CNTNAP2: variants seen among roughly 807,000 people sequenced by gnomAD.
The protein encoded by CNTNAP2 is contactin associated protein 2, also known as contactin-associated protein-like 2.
In CNTNAP2, 98 loss-of-function variants were observed where a neutral mutation model predicts 155.2. That is an observed-to-expected ratio of 0.63 (90% CI 0.54 to 0.75). The LOEUF (loss-of-function observed/expected upper bound fraction) is 0.75. Ranked by LOEUF, CNTNAP2 falls within the 30% of genes least tolerant of loss-of-function variation. CNTNAP2 has a pLI of 0.00. For synonymous variants in CNTNAP2, 651 were observed against 631.2 expected (o/e 1.03, Z -0.47); for missense variants, 1,727 against 1,688.1 (o/e 1.02, Z -0.40).
At chr7:148,128,788 C>T (rs1172165519) in intron 16 of CNTNAP2, among the ~76,000 whole-genome samples, 1 of 152,108 alleles carries the variant, frequency 6.6e-6, no homozygotes, top group African/African-American at 2.4e-5. Context: ...CTAAGCTGGC[C>T]AGACAGAGTG....
chr7:146,550,965 T>G (rs537165757), intron 1 of CNTNAP2, among the ~76,000 whole-genome samples: 2 of 152,104 alleles, frequency 1.3e-5, no homozygotes, highest in South Asian at 4.2e-4. Flanking sequence ...AAAATAAGAA[T>G]AATACCATGT....
chr7:146,448,716 T>A (rs1019386860), intron 1 of CNTNAP2, among the ~76,000 whole-genome samples: 24 of 152,116 alleles, frequency 1.6e-4, no homozygotes, highest in African/African-American at 5.8e-4. Context: ...ATTGGTATGA[T>A]GTTTGTGTAA....
chr7:146,942,596 G>A lies in CNTNAP2; in HGVS notation c.403-101311G>A, dbSNP rs562711378. The stretch of plus-strand genomic sequence containing the variant: ...TAAAAAGGCCGACACTGCAGTGGGA[G>A]GAAAAGGACAATATATATGCAAGAA... On this transcript the variant is annotated intron_variant, in intron 3 of 23. Transcript: ENST00000361727. Among the ~76,000 whole-genome samples, 8 of 152,150 alleles carry A rather than the reference G, an allele frequency of 5.3e-5. No individual in the cohort carries two copies. In the East Asian group the frequency reaches 5.8e-4, roughly 11 times the overall value.
rs145731070 is a variant in CNTNAP2, at chr7:147,406,569, T to G, written c.1670+10789T>G. Among the ~76,000 whole-genome samples, 36 of 152,354 alleles carry G rather than the reference T, an allele frequency of 2.4e-4. 1 individual carries two copies. Among genetic ancestry groups the G allele is most frequent in the African/African-American group, 8.4e-4 (35 of 41,592 alleles). ...AACAAGCTTAGTTTTTCAGATAGCA[T>G]TGTCTAAAATTCTCATGGCACCCAT... On this transcript the variant is annotated intron_variant, in intron 10 of 23. Coordinates refer to ENST00000361727, the MANE Select transcript of CNTNAP2 (RefSeq NM_014141.6).
At chr7:146,995,376 G>GTGT (rs932060117) in intron 3 of CNTNAP2, among the ~76,000 whole-genome samples, 2 of 151,950 alleles carry the variant, frequency 1.3e-5, no homozygotes, top group African/African-American at 4.8e-5. Context: ...AGATCATGCG[G>GTGT]TAGTTCAATA....
At chr7:148,187,759 C>T (rs1487962779) in intron 18 of CNTNAP2, among the ~76,000 whole-genome samples, 2 of 152,072 alleles carry the variant, frequency 1.3e-5, no homozygotes, top group African/African-American at 4.8e-5. Flanking sequence ...GCTTTTTTTC[C>T]TCTAGCCAAA....
chr7:147,132,051 A>G (rs1275678303), intron 7 of CNTNAP2, among the ~76,000 whole-genome samples, 194 bp from the exon 8 acceptor site: 3 of 152,130 alleles, frequency 2.0e-5, no homozygotes, highest in African/African-American at 7.2e-5. Context: ...GCTGCTCAGT[A>G]GTAGGTCTTA....
At chr7:146,773,926 T>C (rs1047409037) in intron 1 of CNTNAP2, among the ~76,000 whole-genome samples, 1 of 152,188 alleles carries the variant, frequency 6.6e-6, no homozygotes, top group Admixed American at 6.5e-5. Flanking sequence ...CCTGTTCCTA[T>C]AATGTATAAA....
At chr7:146,847,439 C>G (rs1794775597) in intron 3 of CNTNAP2, among the ~76,000 whole-genome samples, 1 of 152,136 alleles carries the variant, frequency 6.6e-6, no homozygotes, top group Non-Finnish European at 1.5e-5. Context: ...AGTTCCCAAC[C>G]TGTAAAATGG....
intron 8 of CNTNAP2, among the ~76,000 whole-genome samples, chr7:147,222,087 T>C (rs1803414130): frequency 6.6e-6 from 1 of 152,172 alleles, no homozygotes. Flanking sequence ...TTGACACTTA[T>C]CCTTCTTTAT....
chr7:148,086,245 A>G (rs1256417004), intron 15 of CNTNAP2, among the ~76,000 whole-genome samples: 3 of 152,280 alleles, frequency 2.0e-5, no homozygotes, highest in Admixed American at 2.0e-4. Flanking sequence ...TTTTAGAAAC[A>G]CTTCTCTTTG....
At chr7:146,413,258 C>T (rs774058529) in intron 1 of CNTNAP2, among the ~76,000 whole-genome samples, 3 of 152,128 alleles carry the variant, frequency 2.0e-5, no homozygotes, top group Non-Finnish European at 4.4e-5. Context: ...AGAAGAGGGT[C>T]TGCATGTCGT....
chr7:146,728,611 CAAAA>C (rs35250478), intron 1 of CNTNAP2, among the ~76,000 whole-genome samples: 1,404 of 115,212 alleles, frequency 0.012, 27 homozygotes, highest in African/African-American at 0.036. Flanking sequence ...TTTTAGGCTG[CAAAA>C]AAAAAAAAAA....
At chr7:146,943,163 G>T (rs1020760055) in intron 3 of CNTNAP2, among the ~76,000 whole-genome samples, 1 of 152,096 alleles carries the variant, frequency 6.6e-6, no homozygotes, top group Non-Finnish European at 1.5e-5. Context: ...GTCAATTAAC[G>T]TGTATTTTAT....
At chr7:147,808,780 G>C (rs963773593) in intron 13 of CNTNAP2, among the ~76,000 whole-genome samples, 16 of 152,198 alleles carry the variant, frequency 1.1e-4, no homozygotes, top group Non-Finnish European at 8.8e-5. Flanking sequence ...CTATCCCAAA[G>C]AAGAGGGGAT....
intron 10 of CNTNAP2, among the ~76,000 whole-genome samples, chr7:147,463,857 G>T (rs1269656767): frequency 6.7e-6 from 1 of 149,588 alleles, no homozygotes; most frequent in Non-Finnish European, 1.5e-5. Flanking sequence ...ATTTATTTTG[G>T]ATCAGCTACA....
At chr7:147,011,453 G>A (rs1462502805) in intron 3 of CNTNAP2, among the ~76,000 whole-genome samples, 2 of 146,326 alleles carry the variant, frequency 1.4e-5, no homozygotes, top group African/African-American at 5.1e-5. Context: ...AAGGAACAAG[G>A]TTGTGAGGGT....
At chr7:146,148,854 T>C (rs1797992798) in intron 1 of CNTNAP2, among the ~76,000 whole-genome samples, 1 of 152,100 alleles carries the variant, frequency 6.6e-6, no homozygotes, top group Non-Finnish European at 1.5e-5. Context: ...GAGCAGGCAC[T>C]CAAAATTGTG....
At chr7:148,091,775 A>G (rs1803846555) in intron 15 of CNTNAP2, among the ~76,000 whole-genome samples, 1 of 152,154 alleles carries the variant, frequency 6.6e-6, no homozygotes, top group Admixed American at 6.5e-5. Flanking sequence ...GTCAGACTGT[A>G]GCCTCAAAGA....
Sources: allele counts gnomAD v4.1 joint callset (sites outside exome capture counted in the v4.1 genomes callset), GRCh38; gene constraint gnomAD v4.1.1; transcripts MANE v1.5; gene names NCBI Gene and HGNC (gene_info 2026-07-23, HGNC 2026-07-21).